EPHA6: variants seen among roughly 807,000 people sequenced by gnomAD.
EPHA6 encodes ephrin type-A receptor 6.
In EPHA6, 50 loss-of-function variants were observed where a neutral mutation model predicts 112.0. The ratio of observed to expected loss-of-function variants is 0.45; its 90% CI spans 0.36 to 0.56. EPHA6 has a LOEUF of 0.56. Among genes scored for constraint, EPHA6 ranks in the 20% least tolerant of loss-of-function variants. EPHA6 has a pLI of 0.00. For synonymous variants in EPHA6, 529 were observed against 490.7 expected (o/e 1.08, Z -1.03); for missense variants, 1,280 against 1,417.4 (o/e 0.90, Z 1.56).
At chr3:97,241,261 G>T (rs1414474931) in intron 4 of EPHA6, among the ~76,000 whole-genome samples, 1 of 151,618 alleles carries the variant, frequency 6.6e-6, no homozygotes, top group East Asian at 1.9e-4. Context: ...TTTATTATAT[G>T]ATGGACTTGA....
At chr3:97,261,379 T>A (rs187506477) in intron 5 of EPHA6, among the ~76,000 whole-genome samples, 1 of 152,268 alleles carries the variant, frequency 6.6e-6, no homozygotes, top group Admixed American at 6.5e-5. Context: ...GAGCAGATAT[T>A]AGAATGCCTG....
intron 2 of EPHA6, among the ~76,000 whole-genome samples, chr3:96,978,846 G>C (rs1464480649): frequency 6.6e-6 from 1 of 151,998 alleles, no homozygotes; most frequent in Non-Finnish European, 1.5e-5. Context: ...TTTCACTTCA[G>C]ACCCTTCTCT....
chr3:97,671,446 A>C (rs2030815256), intron 14 of EPHA6, among the ~76,000 whole-genome samples: 1 of 152,160 alleles, frequency 6.6e-6, no homozygotes, highest in Admixed American at 6.6e-5. Flanking sequence ...TCACTGTAAT[A>C]CTTTTTAATC....
intron 5 of EPHA6, among the ~76,000 whole-genome samples, chr3:97,382,532 CA>C (rs2085813444): frequency 6.6e-6 from 1 of 151,996 alleles, no homozygotes; most frequent in Non-Finnish European, 1.5e-5. Flanking sequence ...TTTGTCAAAG[CA>C]ATTAGGATCC....
intron 2 of EPHA6, among the ~76,000 whole-genome samples, chr3:96,965,392 A>G (rs2042089120): frequency 6.6e-6 from 1 of 151,954 alleles, no homozygotes. Context: ...CTAAAATGTT[A>G]CTCTAGTGCT....
At chr3:96,993,968 T>G (rs969912153) in intron 3 of EPHA6, among the ~76,000 whole-genome samples, 3 of 152,188 alleles carry the variant, frequency 2.0e-5, no homozygotes, top group African/African-American at 7.2e-5. Context: ...ATGATGTATA[T>G]TTAAATTGAT....
chr3:97,150,931 C>T (rs1161109883), intron 3 of EPHA6, among the ~76,000 whole-genome samples: 1 of 152,076 alleles, frequency 6.6e-6, no homozygotes, highest in Non-Finnish European at 1.5e-5. Flanking sequence ...TTAATTAATT[C>T]ACTAATTCAT....
At chr3:97,096,618 A>G (rs934498203) in intron 3 of EPHA6, among the ~76,000 whole-genome samples, 1 of 151,926 alleles carries the variant, frequency 6.6e-6, no homozygotes, top group Non-Finnish European at 1.5e-5. Flanking sequence ...TCAGTGAGAC[A>G]TGGGAGAAAA....
chr3:97,170,755 A>G (rs898058484), intron 3 of EPHA6, among the ~76,000 whole-genome samples: 1 of 64,060 alleles, frequency 1.6e-5, no homozygotes, highest in Non-Finnish European at 2.8e-5. Flanking sequence ...AAAAGAAAAG[A>G]AAAAAAAAGA....
intron 1 of EPHA6, among the ~76,000 whole-genome samples, chr3:96,844,257 T>A (rs1432402939): frequency 6.6e-6 from 1 of 152,034 alleles, no homozygotes; most frequent in African/African-American, 2.4e-5. Context: ...TCTATAAACA[T>A]GAACCTCAGT....
chr3:97,680,636 C>T (rs1390951702), intron 14 of EPHA6, among the ~76,000 whole-genome samples: 1 of 152,138 alleles, frequency 6.6e-6, no homozygotes, highest in Admixed American at 6.5e-5. Flanking sequence ...ACTGTATTGT[C>T]ATGGTTTCTT....
intron 7 of EPHA6, among the ~76,000 whole-genome samples, chr3:97,450,873 T>C (rs2090504949): frequency 6.6e-6 from 1 of 152,062 alleles, no homozygotes; most frequent in South Asian, 2.1e-4. Context: ...TAGTGACGTG[T>C]ACTATCATAA....
At chr3:97,115,203 C>T (rs1183496835) in intron 3 of EPHA6, among the ~76,000 whole-genome samples, 1 of 151,796 alleles carries the variant, frequency 6.6e-6, no homozygotes, top group African/African-American at 2.4e-5. Flanking sequence ...AAGAGGGCAA[C>T]TTAAATACAC....
At chr3:97,012,529 T>A (rs1211584208) in intron 3 of EPHA6, among the ~76,000 whole-genome samples, 1 of 148,286 alleles carries the variant, frequency 6.7e-6, no homozygotes, top group African/African-American at 2.5e-5. Context: ...TATTCATATA[T>A]ATTTTTATAT....
rs561858542 is a variant in EPHA6 at position 97,633,229 on chromosome 3, A to G, written c.2575-4644A>G. 1.8e-3 allele frequency among the ~76,000 whole-genome samples: 278 copies of G among 152,050 alleles called. 2 individuals carry two copies. The highest frequency in any genetic ancestry group is 6.4e-3 in the African/African-American group (267 of 41,494). On this transcript the variant is annotated intron_variant, in intron 13 of 17. Coordinates refer to ENST00000389672, the MANE Select transcript of EPHA6 (RefSeq NM_001080448.3). The stretch of plus-strand genomic sequence containing the variant: ...TCAGAAACCCCTTCCAATCAGGCTC[A>G]CCCTTTCTGTCAGTTAGAGGGTAAA...
intron 3 of EPHA6, among the ~76,000 whole-genome samples, chr3:96,995,424 A>G (rs1315523392): frequency 6.6e-6 from 1 of 152,160 alleles, no homozygotes; most frequent in African/African-American, 2.4e-5. Context: ...ATAACCTTCA[A>G]TTCCAAACAA....
intron 3 of EPHA6, among the ~76,000 whole-genome samples, chr3:97,195,810 G>A (rs2077426356): frequency 6.6e-6 from 1 of 152,004 alleles, no homozygotes; most frequent in Non-Finnish European, 1.5e-5. Flanking sequence ...TGTCATGGCA[G>A]TCTCTCTTGG....
chr3:97,737,874 C>G (rs1243866946), intron 16 of EPHA6, among the ~76,000 whole-genome samples: 1 of 151,564 alleles, frequency 6.6e-6, no homozygotes, highest in Non-Finnish European at 1.5e-5. Context: ...AAAAAGTACC[C>G]AAAGGAAACT....
chr3:97,684,674 G>A (rs990427725), intron 14 of EPHA6, among the ~76,000 whole-genome samples: 5 of 152,128 alleles, frequency 3.3e-5, no homozygotes, highest in African/African-American at 1.2e-4. Context: ...TTTAAGAAAG[G>A]TGCAGAGCCA....
Sources: gnomAD v4.1 joint callset for allele counts (sites outside exome capture counted in the v4.1 genomes callset) on GRCh38, gnomAD v4.1.1 for gene constraint, MANE v1.5 for transcripts, NCBI Gene and HGNC (gene_info 2026-07-23, HGNC 2026-07-21) for gene names.